The following MGAT4A variants were observed in gnomAD, a reference collection of about 807,000 sequenced individuals.
The protein encoded by MGAT4A is alpha-1,3-mannosyl-glycoprotein 4-beta-N-acetylglucosaminyltransferase A, also known as N-acetylglucosaminyltransferase IVa.
In MGAT4A, 33 loss-of-function variants were observed where a neutral mutation model predicts 74.1. That is an observed-to-expected ratio of 0.45 (90% CI 0.34 to 0.60). MGAT4A has a LOEUF of 0.60. MGAT4A is among the 20% of genes least tolerant of loss of function. The pLI is 0.02. For synonymous variants in MGAT4A, 198 were observed against 210.4 expected (o/e 0.94, Z 0.51); for missense variants, 479 against 628.3 (o/e 0.76, Z 2.54).
At position 98,625,518 on chromosome 2, in the gene MGAT4A, C is replaced by T. The variant is rs891794625; in HGVS notation, c.*48G>A. The stretch of plus-strand genomic sequence containing the variant: ...AAAAAAAAGATACATGCTTAACTAT[C>T]TTTAATTAACAAATTCACAGGAAAA... On this transcript the variant is annotated 3_prime_UTR_variant, in exon 16 of 16. Transcript: ENST00000393487. The T allele has an allele frequency of 6.2e-7, 1 of 1,601,116 alleles. No individual in the cohort carries two copies. The highest frequency in any genetic ancestry group is 2.2e-5 in the East Asian group (1 of 44,718).
chr2:98,630,413 T>C (rs571591580), intron 14 of MGAT4A, among the ~76,000 whole-genome samples: 127 of 152,118 alleles, frequency 8.3e-4, no homozygotes, highest in Non-Finnish European at 1.5e-3. Context: ...ATTCCATACA[T>C]AGTAAAAATG....
At chr2:98,720,877 A>G (rs1201300698) in intron 2 of MGAT4A, among the ~76,000 whole-genome samples, 1 of 152,246 alleles carries the variant, frequency 6.6e-6, no homozygotes, top group Non-Finnish European at 1.5e-5. Flanking sequence ...GGAGAAGAAA[A>G]TAATTCAAAG....
chr2:98,640,168 G>A lies in MGAT4A; in HGVS notation c.1081C>T (p.His361Tyr). Residue 361 changes from histidine (H) to tyrosine (Y), a missense_variant, in exon 11 of 16, where the codon CAT (histidine) becomes TAT (tyrosine). This residue lies in a region of MGAT4A where 236 missense variants were observed against 308.2 expected (regional missense o/e 0.77). Transcript: ENST00000393487. ...GATAGTGATGAGTGCAGACCAACATGTTGGAAAAGGGAAGGTCTGAAGCGA... is the reference window on the plus strand; with the variant it reads ...GATAGTGATGAGTGCAGACCAACATATTGGAAAAGGGAAGGTCTGAAGCGA... ...RIRFRPSLFQHVGLHSSLSGK... is the reference protein window; with the variant it reads ...RIRFRPSLFQYVGLHSSLSGK... The A allele has an allele frequency of 6.2e-7, 1 of 1,614,042 alleles. No individual in the cohort carries two copies. Among genetic ancestry groups the A allele is most frequent in the Non-Finnish European group, 8.5e-7 (1 of 1,179,974 alleles).
chr2:98,700,038 C>T (rs1258030960), intron 2 of MGAT4A, among the ~76,000 whole-genome samples: 37 of 152,134 alleles, frequency 2.4e-4, no homozygotes, highest in Non-Finnish European at 7.3e-5. Context: ...CTTCTGCAAG[C>T]TATAACCAGA....
At chr2:98,724,058 T>C (rs1188025377) in intron 2 of MGAT4A, among the ~76,000 whole-genome samples, 3 of 152,222 alleles carry the variant, frequency 2.0e-5, no homozygotes, top group Non-Finnish European at 4.4e-5. Flanking sequence ...CTCTATCTGA[T>C]GGTAAATTTG....
intron 4 of MGAT4A, among the ~76,000 whole-genome samples, chr2:98,663,921 T>C (rs1308319445): frequency 1.3e-5 from 2 of 152,080 alleles, no homozygotes; most frequent in African/African-American, 2.4e-5. Flanking sequence ...ATATGAAAAC[T>C]TTGTGACCAG....
rs545365986 is a variant in MGAT4A at position 98,651,905 on chromosome 2, C to G, written c.774+3540G>C. On this transcript the variant is annotated intron_variant, in intron 8 of 15. Coordinates refer to ENST00000393487, the MANE Select transcript of MGAT4A (RefSeq NM_012214.3). The stretch of plus-strand genomic sequence containing the variant: ...CATGAAATCCAGAACTGAAAGAAAA[C>G]AAGGATGGCCATACTTAGACAAAAT... 2.0e-5 allele frequency among the ~76,000 whole-genome samples: 3 copies of G among 152,142 alleles called. No individual in the cohort carries two copies. In the South Asian group the frequency reaches 6.2e-4, roughly 32 times the overall value.
chr2:98,720,243 G>T (rs1167594216), intron 2 of MGAT4A, among the ~76,000 whole-genome samples: 1 of 152,192 alleles, frequency 6.6e-6, no homozygotes, highest in Non-Finnish European at 1.5e-5. Context: ...TGTCTGTGAA[G>T]GTATTTCTAG....
rs931848068 is a variant in MGAT4A at position 98,624,597 on chromosome 2, C to A, written c.*969G>T. ...AACACCTAGAAAACATTTTGTCTGA[C>A]GTCATAAAATGAGTGCAGATATAAA... On this transcript the variant is annotated 3_prime_UTR_variant, in exon 16 of 16. Coordinates refer to ENST00000393487, the MANE Select transcript of MGAT4A (RefSeq NM_012214.3). 1 of 984,590 alleles carries A rather than the reference C, an allele frequency of 1.0e-6. No homozygotes were observed. 61.0% of individuals were successfully genotyped at this position (984,590 alleles called of 1,614,324 possible). A position where few individuals can be genotyped will look rare whatever the true frequency, so the allele number is the denominator to read the frequency against.
chr2:98,659,643 T>G (rs139699161), intron 5 of MGAT4A, among the ~76,000 whole-genome samples: 1 of 152,308 alleles, frequency 6.6e-6, no homozygotes, highest in East Asian at 1.9e-4. Flanking sequence ...GCTTATAAGA[T>G]CTCATGGTTT....
At chr2:98,668,498 G>A (rs1422509860) in intron 4 of MGAT4A, among the ~76,000 whole-genome samples, 1 of 152,228 alleles carries the variant, frequency 6.6e-6, no homozygotes, top group Non-Finnish European at 1.5e-5. Flanking sequence ...TGGATGCTCA[G>A]TTAGAAGTTT....
intron 2 of MGAT4A, among the ~76,000 whole-genome samples, chr2:98,702,631 C>T (rs1478968132): frequency 6.6e-6 from 1 of 152,200 alleles, no homozygotes; most frequent in African/African-American, 2.4e-5. Context: ...AAACAGCTTG[C>T]AGTACCGTGT....
intron 2 of MGAT4A, among the ~76,000 whole-genome samples, chr2:98,697,185 T>C (rs996019147): frequency 2.6e-5 from 4 of 152,180 alleles, no homozygotes; most frequent in African/African-American, 4.8e-5. Flanking sequence ...ATATAAAAGG[T>C]TGGCACCCAT....
chr2:98,668,541 T>C (rs1701868984), intron 4 of MGAT4A, among the ~76,000 whole-genome samples: 2 of 152,240 alleles, frequency 1.3e-5, no homozygotes, highest in African/African-American at 4.8e-5. Context: ...GGAGAACCTC[T>C]GCTAGCGCAG....
chr2:98,674,890 C>A, intron 4 of MGAT4A, 145 bp downstream of exon 4: 1 of 726,672 alleles, frequency 1.4e-6, no homozygotes, highest in South Asian at 2.1e-5. Flanking sequence ...TTCCTTTCAA[C>A]ATGGAGTTTA....
chr2:98,645,023 C>T (rs758037050), intron 9 of MGAT4A, among the ~76,000 whole-genome samples: 4 of 152,096 alleles, frequency 2.6e-5, no homozygotes, highest in Admixed American at 6.5e-5. Flanking sequence ...AAGAGAAAAA[C>T]GAATAAAAAT....
intron 2 of MGAT4A, among the ~76,000 whole-genome samples, chr2:98,682,494 C>A (rs192147204): frequency 1.9e-3 from 284 of 149,052 alleles, no homozygotes; most frequent in Non-Finnish European, 3.2e-3. Flanking sequence ...AGGCAAGCAT[C>A]AAAAATGCAT....
intron 14 of MGAT4A, among the ~76,000 whole-genome samples, chr2:98,631,869 C>T (rs996495932): frequency 6.6e-6 from 1 of 151,252 alleles, no homozygotes; most frequent in Admixed American, 6.6e-5. Context: ...CCTGTAATCC[C>T]AGCACTTTGG....
chr2:98,725,647 T>C (rs762543478), intron 2 of MGAT4A, among the ~76,000 whole-genome samples: 5 of 152,016 alleles, frequency 3.3e-5, no homozygotes, highest in Non-Finnish European at 5.9e-5. Flanking sequence ...ATAAATCCAT[T>C]ATCCTAAAAT....
Sources: gnomAD v4.1 joint callset for allele counts (sites outside exome capture counted in the v4.1 genomes callset) on GRCh38, gnomAD v4.1.1 for gene constraint, gnomAD v4.1.1 regional missense constraint, MANE v1.5 for transcripts, NCBI Gene and HGNC (gene_info 2026-07-23, HGNC 2026-07-21) for gene names.